The following FRYL variants were observed in gnomAD, a reference collection of about 807,000 sequenced individuals.
FRYL encodes the protein FRY like transcription coactivator, also known as protein furry homolog-like.
In FRYL, 150 loss-of-function variants were observed where a neutral mutation model predicts 351.2. That is an observed-to-expected ratio of 0.43 (90% CI 0.37 to 0.49). FRYL has a LOEUF of 0.49. Ranked by LOEUF, FRYL falls within the 20% of genes least tolerant of loss-of-function variation. FRYL has a pLI of 0.00. For missense variants in FRYL, 3,036 were observed against 3,619.3 expected, an observed-to-expected ratio of 0.84 and a Z score of 4.13; for synonymous variants, 1,153 against 1,257.1, an observed-to-expected ratio of 0.92 and a Z score of 1.75.
intron 3 of FRYL, among the ~76,000 whole-genome samples, chr4:48,644,499 A>T (rs1463185300): frequency 1.9e-3 from 1 of 518 alleles, no homozygotes; most frequent in African/African-American, 2.4e-3. Flanking sequence ...GATAATTGTA[A>T]AAAAAAAAAA....
intron 1 of FRYL, among the ~76,000 whole-genome samples, chr4:48,724,697 G>C (rs1769885270): frequency 6.6e-6 from 1 of 151,972 alleles, no homozygotes; most frequent in South Asian, 2.1e-4. Context: ...AAGAATCAAA[G>C]AAAAACACCA....
At chr4:48,705,507 A>G (rs548510422) in intron 2 of FRYL, among the ~76,000 whole-genome samples, 1 of 151,016 alleles carries the variant, frequency 6.6e-6, no homozygotes, top group East Asian at 1.9e-4. Flanking sequence ...ATGGTATCCT[A>G]TCATTTATAT....
intron 33 of FRYL, 43 bp from the exon 34 acceptor site, chr4:48,557,755 C>G: frequency 6.2e-7 from 1 of 1,604,546 alleles, no homozygotes; most frequent in South Asian, 1.1e-5. Flanking sequence ...GTAATTTCAG[C>G]TTCCTCTGAC....
chr4:48,548,812 T>G lies in FRYL; in HGVS notation c.4785-19A>C. ...GTTACACCTATGACAAATAAGAGTT[T>G]CATTAACGTTTTACTAGATCTCAGT... On this transcript the variant is annotated intron_variant, in intron 39 of 63. Coordinates refer to ENST00000358350, the MANE Select transcript of FRYL (RefSeq NM_015030.2). The G allele has an allele frequency of 7.0e-7, 1 of 1,425,118 alleles. No individual in the cohort carries two copies. The highest frequency in any genetic ancestry group is 2.3e-5 in the East Asian group (1 of 43,276). The allele number at this position is 1,425,118 out of a possible 1,614,324, so 88.3% of individuals were successfully genotyped here. A position where few individuals can be genotyped will look rare whatever the true frequency, so the allele number is the denominator to read the frequency against.
In FRYL at chr4:48,540,526, C is replaced by A; in HGVS notation, c.6122G>T (p.Arg2041Leu). The A allele has an allele frequency of 6.2e-7, 1 of 1,613,980 alleles. No homozygotes were observed. The highest frequency in any genetic ancestry group is 1.1e-5 in the South Asian group (1 of 91,072). ...IHLPLDKSES[R>L]EKIENVQSKL... ...GCTTTGTACATTTTCAATCTTCTCT[C>A]GACTCTCTGATTTATCCAAAGGCAA... The change falls in exon 46 of 64, where the codon CGA becomes CTA. Residue 2041 changes from arginine to leucine, a missense_variant. By Grantham distance (102) the Arg-to-Leu change is moderately radical (BLOSUM62 -2). Around this residue, in one of 7 missense-constraint regions of FRYL, gnomAD observed 1,987 missense variants for 2,311.7 expected, o/e 0.86. Transcript: ENST00000358350.
At chr4:48,672,510 T>G (rs1419711950) in intron 3 of FRYL, among the ~76,000 whole-genome samples, 2 of 152,198 alleles carry the variant, frequency 1.3e-5, no homozygotes, top group African/African-American at 4.8e-5. Flanking sequence ...GAAAGCCCAG[T>G]GCTTCCAAAT....
intron 1 of FRYL, among the ~76,000 whole-genome samples, chr4:48,716,122 A>G (rs550709305): frequency 6.9e-4 from 105 of 152,314 alleles, no homozygotes; most frequent in African/African-American, 2.3e-3. Flanking sequence ...ACAAAAATCA[A>G]TTCAAGATGG....
intron 14 of FRYL, 92 bp downstream of exon 14, chr4:48,595,805 C>G (rs541566080): frequency 9.0e-7 from 1 of 1,105,572 alleles, no homozygotes; most frequent in East Asian, 2.5e-5. Flanking sequence ...ATATTCCACC[C>G]ACAAAGTATA....
intron 3 of FRYL, among the ~76,000 whole-genome samples, chr4:48,653,496 A>C (rs1758141410): frequency 6.6e-6 from 1 of 152,252 alleles, no homozygotes; most frequent in East Asian, 1.9e-4. Flanking sequence ...AAGGCTGGTA[A>C]ATTTTCATCA....
intron 7 of FRYL, chr4:48,618,378 A>G (rs1353578967): frequency 6.6e-6 from 1 of 152,330 alleles, no homozygotes; most frequent in Admixed American, 6.5e-5. Flanking sequence ...AGAAAAACAG[A>G]CTGTCAATTA....
At chr4:48,504,882 C>G (rs1720569285) in intron 60 of FRYL, among the ~76,000 whole-genome samples, 1 of 151,966 alleles carries the variant, frequency 6.6e-6, no homozygotes, top group Admixed American at 6.6e-5. Flanking sequence ...TTTACAGACA[C>G]TAGAAATCTG....
Position 48,549,511 on chromosome 4 carries a change from G to A in FRYL, c.4746C>T (p.Tyr1582=), listed in dbSNP as rs769841783. 2.1e-5 allele frequency: 34 copies of A among 1,612,542 alleles called. No individual in the cohort carries two copies. The highest frequency in any genetic ancestry group is 6.7e-5 in the African/African-American group (5 of 74,894). The part of the protein sequence containing the change: ...AGGCWSPLVD[Y]VPETSSPGLP... ...ATCCAGGTGATGACGTTTCAGGCAC[G>A]TAATCCACCAGTGGTGACCAGCAGC... The change falls in exon 39 of 64, where the codon TAC becomes TAT. Residue 1582 remains tyrosine (Y), a synonymous_variant. Coordinates refer to ENST00000358350, the MANE Select transcript of FRYL (RefSeq NM_015030.2). The surrounding 1 kb of genome is among the most constrained non-coding windows in gnomAD (Gnocchi z 4.2).
chr4:48,756,878 G>A (rs1182908421), intron 1 of FRYL, among the ~76,000 whole-genome samples: 2 of 152,188 alleles, frequency 1.3e-5, no homozygotes, highest in Non-Finnish European at 2.9e-5. Flanking sequence ...AGCCCAGGAG[G>A]TTGAGGCTAC....
chr4:48,507,565 T>G (rs1721450249), intron 59 of FRYL, among the ~76,000 whole-genome samples: 1 of 151,808 alleles, frequency 6.6e-6, no homozygotes, highest in Non-Finnish European at 1.5e-5. Context: ...AGTACCGGAG[T>G]GAGCCCAATA....
chr4:48,585,334 A>G (rs532954884), intron 19 of FRYL, among the ~76,000 whole-genome samples: 1 of 152,378 alleles, frequency 6.6e-6, no homozygotes, highest in South Asian at 2.1e-4. Flanking sequence ...CACAGGAGAC[A>G]TAAAATCTCT....
Position 48,593,917 on chromosome 4 carries a change from A to G in FRYL, c.1335+13T>C. On this transcript the variant is annotated intron_variant, in intron 16 of 63. Coordinates refer to ENST00000358350, the MANE Select transcript of FRYL (RefSeq NM_015030.2). ...ATCTAGGATTTTATATTATTACATT[A>G]TAATTTTTTTACCTCTGGATTAATG... 8.3e-7 allele frequency: 1 copy of G among 1,204,022 alleles called. No individual in the cohort carries two copies. The allele number at this position is 1,204,022 out of a possible 1,614,324, so 74.6% of individuals were successfully genotyped here.
chr4:48,656,308 T>TATATATTACATAATATATACTAA (rs368180446), intron 3 of FRYL, among the ~76,000 whole-genome samples: 177 of 7,234 alleles, frequency 0.024, no homozygotes, highest in South Asian at 0.06. Flanking sequence ...TATATTATAT[T>TATATATTACATAATATATACTAA]ATATATTACA....
intron 11 of FRYL, among the ~76,000 whole-genome samples, chr4:48,603,685 A>G (rs1746134109): frequency 1.3e-5 from 2 of 152,130 alleles, no homozygotes; most frequent in African/African-American, 4.8e-5. Flanking sequence ...AAAACTCAAC[A>G]AGGAAGTAAC....
At chr4:48,752,944 G>A (rs563841416) in intron 1 of FRYL, among the ~76,000 whole-genome samples, 2 of 152,240 alleles carry the variant, frequency 1.3e-5, no homozygotes, top group East Asian at 1.9e-4. Context: ...GGCGCCTATC[G>A]TTGGAGTCCG....
Sources: allele counts gnomAD v4.1 joint callset (sites outside exome capture counted in the v4.1 genomes callset), GRCh38; gene constraint gnomAD v4.1.1; regional missense constraint gnomAD v4.1.1; non-coding constraint Gnocchi (gnomAD v3.1); transcripts MANE v1.5; gene names NCBI Gene and HGNC (gene_info 2026-07-23, HGNC 2026-07-21).